The following PRR16 variants were observed in gnomAD, a reference collection of about 807,000 sequenced individuals.
The protein encoded by PRR16 is protein Largen.
Under a neutral mutation model 18.2 loss-of-function variants are expected in PRR16, and 6 were observed. That is an observed-to-expected ratio of 0.33 (90% CI 0.18 to 0.65). The LOEUF is 0.65. Among genes scored for constraint, PRR16 ranks in the 30% least tolerant of loss-of-function variants. The pLI, the probability that PRR16 is intolerant of heterozygous loss-of-function variation, is 0.74. For synonymous variants in PRR16, 151 were observed against 147.8 expected (o/e 1.02, Z -0.16); for missense variants, 412 against 376.6 (o/e 1.09, Z -0.78).
intron 1 of PRR16, among the ~76,000 whole-genome samples, chr5:120,507,900 C>G (rs2112852562): frequency 6.6e-6 from 1 of 152,204 alleles, no homozygotes; most frequent in South Asian, 2.1e-4. Context: ...GATGACAAAG[C>G]AGTGCATTTA....
rs116221426 is a variant in PRR16, at chr5:120,555,856, G to A, written c.159+91211G>A. On this transcript the variant is annotated intron_variant, in intron 1 of 1. Transcript: ENST00000407149. ...AAAAAAAAAAAAAATTTCCCATAAG[G>A]CACAGTAAGGTTTTTGTTTTAGTTG... is the stretch of plus-strand genomic sequence containing the variant. Among the ~76,000 whole-genome samples the A allele has an allele frequency of 5.2e-3, 775 of 148,762 alleles. 8 individuals carry two copies. Among genetic ancestry groups the A allele is most frequent in the African/African-American group, 0.018 (710 of 40,414 alleles).
At chr5:120,566,967 A>AT (rs367585321) in intron 1 of PRR16, among the ~76,000 whole-genome samples, 2,252 of 150,270 alleles carry the variant, frequency 0.015, 61 homozygotes, top group African/African-American at 0.052. Flanking sequence ...AATTCTGTTA[A>AT]TTTTTTTTTT....
chr5:120,648,343 C>CT (rs1054239642), intron 1 of PRR16, among the ~76,000 whole-genome samples: 1 of 151,928 alleles, frequency 6.6e-6, no homozygotes, highest in African/African-American at 2.4e-5. Context: ...AGGGTATTAG[C>CT]TTTTTTTAAT....
chr5:120,589,410 T>C (rs898614140), intron 1 of PRR16, among the ~76,000 whole-genome samples: 1 of 152,108 alleles, frequency 6.6e-6, no homozygotes, highest in Non-Finnish European at 1.5e-5. Flanking sequence ...ACTCACAAAT[T>C]CTCAAGGTAT....
At chr5:120,671,630 A>ATTG (rs1756608871) in intron 1 of PRR16, among the ~76,000 whole-genome samples, 1 of 152,182 alleles carries the variant, frequency 6.6e-6, no homozygotes, top group African/African-American at 2.4e-5. Flanking sequence ...TGTATACTAA[A>ATTG]CATTTTGCTC....
chr5:120,761,522 A>G, the PRR16 span, among the ~76,000 whole-genome samples: 1 of 152,132 alleles, frequency 6.6e-6, no homozygotes, highest in African/African-American at 2.4e-5. Context: ...TACTAGTTAG[A>G]GGTTGCAAAA....
chr5:120,749,913 G>T, the PRR16 span, among the ~76,000 whole-genome samples: 1 of 152,042 alleles, frequency 6.6e-6, no homozygotes, highest in African/African-American at 2.4e-5. Flanking sequence ...GATTTATAGA[G>T]ACTCTTTGTT....
chr5:120,509,647 G>C (rs1006677813), intron 1 of PRR16, among the ~76,000 whole-genome samples: 1 of 152,032 alleles, frequency 6.6e-6, no homozygotes, highest in African/African-American at 2.4e-5. Context: ...TTAGCCTATC[G>C]ACTGCTTTCG....
At position 120,488,585 on chromosome 5, in the gene PRR16, G is replaced by C. The variant is rs142993407; in HGVS notation, c.159+23940G>C. Among the ~76,000 whole-genome samples, 15 of 151,676 alleles carry C rather than the reference G, an allele frequency of 9.9e-5. No individual in the cohort carries two copies. In the South Asian group the frequency reaches 1.3e-3, roughly 13 times the overall value. Reference sequence around the variant, plus strand: ...TAGCGGTCTATCAATTTTGTTGATCGTTTCAAAAAACCAGCTCCTGGATTC... The same window carrying C: ...TAGCGGTCTATCAATTTTGTTGATCCTTTCAAAAAACCAGCTCCTGGATTC... On this transcript the variant is annotated intron_variant, in intron 1 of 1. Coordinates refer to ENST00000407149, the MANE Select transcript of PRR16 (RefSeq NM_001300783.2).
chr5:120,761,589 CTTTT>C, the PRR16 span, among the ~76,000 whole-genome samples: 10 of 151,958 alleles, frequency 6.6e-5, no homozygotes, highest in Middle Eastern at 6.8e-3. Flanking sequence ...TTAGATTTAT[CTTTT>C]TTTATCAGTA....
chr5:120,470,155 T>G (rs960271933), intron 1 of PRR16, among the ~76,000 whole-genome samples: 2 of 152,162 alleles, frequency 1.3e-5, no homozygotes, highest in African/African-American at 4.8e-5. Context: ...TTGAAAAATT[T>G]CAGGGGCAAT....
chr5:120,673,835 A>T (rs1432776287), intron 1 of PRR16, among the ~76,000 whole-genome samples: 1 of 151,994 alleles, frequency 6.6e-6, no homozygotes, highest in African/African-American at 2.4e-5. Flanking sequence ...CATGCCTGTA[A>T]TCCCAACTAC....
chr5:120,794,267 C>A, the PRR16 span, among the ~76,000 whole-genome samples: 2 of 152,038 alleles, frequency 1.3e-5, no homozygotes, highest in Non-Finnish European at 2.9e-5. Flanking sequence ...AATCATGACT[C>A]ATATTATTGT....
At position 120,523,835 on chromosome 5, in the gene PRR16, G is replaced by A. The variant is rs536787120; in HGVS notation, c.159+59190G>A. 2.0e-5 allele frequency among the ~76,000 whole-genome samples: 3 copies of A among 152,162 alleles called. No homozygotes were observed. The South Asian group carries it at 6.2e-4, about 32-fold the overall frequency. On this transcript the variant is annotated intron_variant, in intron 1 of 1. Coordinates refer to ENST00000407149, the MANE Select transcript of PRR16 (RefSeq NM_001300783.2). ...CTAACTTATACCATAAAAGATTTAAGCTCATGTCAGAAACACTCTAATAAA... is the reference window on the plus strand; with the variant it reads ...CTAACTTATACCATAAAAGATTTAAACTCATGTCAGAAACACTCTAATAAA...
the PRR16 span, among the ~76,000 whole-genome samples, chr5:120,729,055 G>A: frequency 5.9e-5 from 9 of 152,064 alleles, no homozygotes; most frequent in Non-Finnish European, 1.3e-4. Flanking sequence ...GGTTCTGATA[G>A]CATATTTTTG....
At chr5:120,584,550 A>G (rs923128514) in intron 1 of PRR16, among the ~76,000 whole-genome samples, 7 of 152,164 alleles carry the variant, frequency 4.6e-5, no homozygotes, top group South Asian at 2.1e-4. Context: ...ATTATACTAA[A>G]TTTATATTGA....
chr5:120,561,774 G>T (rs953426294), intron 1 of PRR16, among the ~76,000 whole-genome samples: 2 of 152,124 alleles, frequency 1.3e-5, no homozygotes, highest in African/African-American at 4.8e-5. Flanking sequence ...TAAGTCTCAT[G>T]AGATCTGATG....
At chr5:120,679,844 G>A (rs1756918030) in intron 1 of PRR16, among the ~76,000 whole-genome samples, 1 of 152,088 alleles carries the variant, frequency 6.6e-6, no homozygotes, top group African/African-American at 2.4e-5. Flanking sequence ...GGTCTGAGTT[G>A]GGGGACAGAG....
chr5:120,583,365 A>C (rs1753338454), intron 1 of PRR16, among the ~76,000 whole-genome samples: 1 of 151,296 alleles, frequency 6.6e-6, no homozygotes, highest in South Asian at 2.1e-4. Context: ...AATCCATGTC[A>C]CCATGCTTGG....
Sources: allele counts gnomAD v4.1 joint callset (sites outside exome capture counted in the v4.1 genomes callset), GRCh38; gene constraint gnomAD v4.1.1; transcripts MANE v1.5; gene names NCBI Gene and HGNC (gene_info 2026-07-23, HGNC 2026-07-21).